Variants in RBBP7 observed in about 807,000 individuals in gnomAD.
RBBP7 encodes the protein RB binding protein 7, chromatin remodeling factor.
Under a neutral mutation model 35.2 loss-of-function variants are expected in RBBP7, and 5 were observed. That is an observed-to-expected ratio of 0.14 (90% CI 0.07 to 0.30). The LOEUF is 0.30. Among genes scored for constraint, RBBP7 ranks in the 10% least tolerant of loss-of-function variants. The pLI is 1.00. For synonymous variants in RBBP7, 140 were observed against 118.7 expected, an observed-to-expected ratio of 1.18 and a Z score of -1.17; for missense variants, 155 against 327.5, an observed-to-expected ratio of 0.47 and a Z score of 4.07.
At chrX:16,851,915 C>T (rs1309193591) in intron 9 of RBBP7, 131 bp downstream of exon 9, 8 of 485,989 alleles carry the variant, frequency 1.6e-5, no homozygotes, top group East Asian at 3.4e-5. Context: ...TAGGAAGATG[C>T]TTAGAAGTTT....
chrX:16,870,007 C>T (rs1218006948), intron 1 of RBBP7, 31 bp downstream of exon 1: 1 of 805,048 alleles, frequency 1.2e-6, no homozygotes, highest in Non-Finnish European at 1.5e-6. Context: ...CCCCGCGGCC[C>T]CGGCGCGCGC....
intron 9 of RBBP7, among the ~76,000 whole-genome samples, chrX:16,851,612 C>A (rs1244964359): frequency 8.9e-6 from 1 of 111,964 alleles, no homozygotes; most frequent in Non-Finnish European, 1.9e-5. Context: ...GTTACACAAC[C>A]CACAGCAGGA....
At chrX:16,869,360 C>T in intron 1 of RBBP7, 140 bp from the exon 2 acceptor site, 1 of 1,061,702 alleles carries the variant, frequency 9.4e-7, no homozygotes, top group Non-Finnish European at 1.3e-6. Context: ...AACTGCTCTT[C>T]CAGAAGGTGG....
At chrX:16,849,473 C>T (rs145041138) in intron 9 of RBBP7, among the ~76,000 whole-genome samples, 172 bp from the exon 10 acceptor site, 214 of 111,078 alleles carry the variant, frequency 1.9e-3, no homozygotes, top group Middle Eastern at 4.6e-3. Flanking sequence ...GACATGGCCT[C>T]GCTATGTTTC....
chrX:16,856,395 T>G (rs1161439497), intron 5 of RBBP7, among the ~76,000 whole-genome samples: 1 of 111,142 alleles, frequency 9.0e-6, no homozygotes, highest in Non-Finnish European at 1.9e-5. Context: ...CTGGGTTTCA[T>G]GGTGCATGGC....
At chrX:16,867,743 G>A (rs1229781090) in intron 2 of RBBP7, among the ~76,000 whole-genome samples, 1 of 111,087 alleles carries the variant, frequency 9.0e-6, no homozygotes, top group Non-Finnish European at 1.9e-5. Flanking sequence ...TGCGATGTTG[G>A]CTCACTGCAA....
At chrX:16,848,937 T>C (rs1441031358) in intron 10 of RBBP7, 3 of 204,546 alleles carry the variant, frequency 1.5e-5, no homozygotes, top group African/African-American at 5.9e-5. Context: ...GCCAACTGAA[T>C]AGCAATTATA....
At chrX:16,866,554 A>AAAAAAAAAAAAAAAAAAAAAAGAAAG (rs1569063906) in intron 2 of RBBP7, among the ~76,000 whole-genome samples, 1 of 57,674 alleles carries the variant, frequency 1.7e-5, no homozygotes, top group African/African-American at 7.5e-5. Context: ...AAAAAAAAAA[A>AAAAAAAAAAAAAAAAAAAAAAGAAAG]AAAGAAAGAA....
intron 1 of RBBP7, chrX:16,869,748 G>T (rs1930727939): frequency 1.0e-6 from 1 of 969,233 alleles, no homozygotes; most frequent in African/African-American, 2.1e-5. Flanking sequence ...AGCGGCGGGG[G>T]CCGCCTCCGC....
At chrX:16,864,376 G>A (rs1265452199) in intron 2 of RBBP7, among the ~76,000 whole-genome samples, 3 of 109,671 alleles carry the variant, frequency 2.7e-5, no homozygotes, top group Non-Finnish European at 3.8e-5. Context: ...AAAATTAGCC[G>A]GGCATGGTGG....
Position 16,857,054 on chromosome X carries a change from G to A in RBBP7, c.597+540C>T, listed in dbSNP as rs971757921. On this transcript the variant is annotated intron_variant, in intron 5 of 11. Coordinates refer to ENST00000380087, the MANE Select transcript of RBBP7 (RefSeq NM_002893.4). ...GCCAAACAGAAAAGGCCATATATGA[G>A]ATTCCATTTACATGAAATACCAAGA... Among the ~76,000 whole-genome samples, 4 of 110,839 alleles carry A rather than the reference G, an allele frequency of 3.6e-5. No homozygotes were observed. In the Admixed American group the frequency reaches 3.9e-4, roughly 11 times the overall value.
intron 8 of RBBP7, 63 bp downstream of exon 8, chrX:16,852,488 C>G (rs772469039): frequency 1.8e-6 from 2 of 1,137,416 alleles, no homozygotes; most frequent in Non-Finnish European, 2.4e-6. Context: ...TCTGGTATAG[C>G]TTAACTGATG....
intron 6 of RBBP7, 119 bp downstream of exon 6, chrX:16,853,563 T>C (rs919293102): frequency 1.5e-6 from 1 of 657,391 alleles, no homozygotes; most frequent in African/African-American, 2.4e-5. Context: ...GTAAGCTACC[T>C]AAAGCTGTTT....
chrX:16,869,554 G>A (rs1307348333), intron 1 of RBBP7: 1 of 1,166,639 alleles, frequency 8.6e-7, no homozygotes, highest in East Asian at 3.3e-5. Flanking sequence ...GAAGACAAAT[G>A]CACGTGTAGC....
At position 16,849,228 on chromosome X, in the gene RBBP7, A is replaced by G. The variant is rs1252146501; in HGVS notation, c.1098+16T>C. On this transcript the variant is annotated intron_variant, in intron 10 of 11. Transcript: ENST00000380087. ...ATCTGCATATGACATTTCATCTTCT[A>G]TAAGCCAATGCGTACCAGGAGTTCT... is the stretch of plus-strand genomic sequence containing the variant. 5.8e-6 allele frequency: 7 copies of G among 1,204,291 alleles called. No individual in the cohort carries two copies. The highest frequency in any genetic ancestry group is 4.4e-5 in the Admixed American group (2 of 45,718).
At chrX:16,866,571 C>CAAAA (rs1930627726) in intron 2 of RBBP7, among the ~76,000 whole-genome samples, 1 of 92,852 alleles carries the variant, frequency 1.1e-5, no homozygotes, top group African/African-American at 4.2e-5. Flanking sequence ...AGAAAGAAAG[C>CAAAA]AAGAAAGCAA....
chrX:16,855,566 C>T (rs1216844821), intron 5 of RBBP7, among the ~76,000 whole-genome samples: 1 of 111,540 alleles, frequency 9.0e-6, no homozygotes, highest in Non-Finnish European at 1.9e-5. Context: ...TGATGCTTGG[C>T]ATGTGGGTAG....
intron 2 of RBBP7, among the ~76,000 whole-genome samples, chrX:16,866,152 AAGTT>A (rs779448922): frequency 1.4e-4 from 16 of 111,831 alleles, no homozygotes; most frequent in Admixed American, 2.8e-4. Flanking sequence ...GGTAGACAAT[AAGTT>A]AGTCTCAATA....
Position 16,844,845 on chromosome X carries a change from C to A in RBBP7, c.*190G>T. ...GTGATGTTCTTTCTTAAGCAACATTCTTCTCTTCCCTAATAGCTACAATAT... is the reference window on the plus strand; with the variant it reads ...GTGATGTTCTTTCTTAAGCAACATTATTCTCTTCCCTAATAGCTACAATAT... On this transcript the variant is annotated 3_prime_UTR_variant, in exon 12 of 12. Transcript: ENST00000380087. 1 of 339,497 alleles carries A rather than the reference C, an allele frequency of 2.9e-6. No individual in the cohort carries two copies. The highest frequency in any genetic ancestry group is 5.2e-6 in the Non-Finnish European group (1 of 193,660). 28.0% of individuals were successfully genotyped at this position (339,497 alleles called of 1,213,427 possible). A position where few individuals can be genotyped will look rare whatever the true frequency, so the allele number is the denominator to read the frequency against.
Sources: allele counts gnomAD v4.1 joint callset (sites outside exome capture counted in the v4.1 genomes callset), GRCh38; gene constraint gnomAD v4.1.1; transcripts MANE v1.5; gene names NCBI Gene and HGNC (gene_info 2026-07-23, HGNC 2026-07-21).